NELL1: variants seen among roughly 807,000 people sequenced by gnomAD.
The protein encoded by NELL1 is protein kinase C-binding protein NELL1.
NELL1 carries 76 observed loss-of-function variants against 107.4 expected under a neutral mutation model. The observed-to-expected ratio is 0.71, with a 90% CI of 0.59 to 0.86. The LOEUF is 0.86. Ranked by LOEUF, NELL1 falls within the 40% of genes least tolerant of loss-of-function variation. The pLI is 0.00. For synonymous variants in NELL1, 353 were observed against 341.2 expected, an observed-to-expected ratio of 1.03 and a Z score of -0.38; for missense variants, 1,024 against 1,005.5, an observed-to-expected ratio of 1.02 and a Z score of -0.25.
At chr11:20,993,103 C>T (rs1334674719) in intron 12 of NELL1, among the ~76,000 whole-genome samples, 1 of 152,136 alleles carries the variant, frequency 6.6e-6, no homozygotes, top group African/African-American at 2.4e-5. Context: ...GCCATCCTTA[C>T]TTTGTATGCC....
intron 4 of NELL1, among the ~76,000 whole-genome samples, chr11:20,863,991 G>C (rs529965083): frequency 6.6e-6 from 1 of 152,112 alleles, no homozygotes; most frequent in African/African-American, 2.4e-5. Context: ...GCCTGCAATC[G>C]CAGGCACTCG....
chr11:21,198,239 G>T (rs1857195629), intron 13 of NELL1, among the ~76,000 whole-genome samples: 1 of 152,186 alleles, frequency 6.6e-6, no homozygotes, highest in Non-Finnish European at 1.5e-5. Flanking sequence ...GAGAAGCAGT[G>T]GCCCGAGCTG....
intron 2 of NELL1, among the ~76,000 whole-genome samples, chr11:20,764,043 G>A (rs1856480329): frequency 6.6e-6 from 1 of 152,196 alleles, no homozygotes; most frequent in African/African-American, 2.4e-5. Flanking sequence ...GTGGGAATAT[G>A]GGCTCTGCGT....
At chr11:20,775,087 A>G (rs1681682105) in intron 2 of NELL1, among the ~76,000 whole-genome samples, 1 of 152,210 alleles carries the variant, frequency 6.6e-6, no homozygotes, top group Non-Finnish European at 1.5e-5. Flanking sequence ...ATGAGCTCAT[A>G]TATTTTAGCA....
intron 13 of NELL1, among the ~76,000 whole-genome samples, chr11:21,225,120 G>T (rs993135149): frequency 6.6e-6 from 1 of 152,060 alleles, no homozygotes; most frequent in Non-Finnish European, 1.5e-5. Flanking sequence ...CAACCTTCTG[G>T]GTGTATGTGG....
intron 15 of NELL1, among the ~76,000 whole-genome samples, chr11:21,424,395 C>T (rs549069971): frequency 2.8e-4 from 43 of 152,026 alleles, no homozygotes; most frequent in South Asian, 6.2e-4. Context: ...CTGAGGCCGG[C>T]GGATCACTTG....
At chr11:21,199,341 T>G (rs1330203762) in intron 13 of NELL1, among the ~76,000 whole-genome samples, 1 of 152,138 alleles carries the variant, frequency 6.6e-6, no homozygotes, top group Non-Finnish European at 1.5e-5. Flanking sequence ...CAGAGTACCC[T>G]CCAGGACATG....
At chr11:21,331,070 A>T (rs1850262006) in intron 14 of NELL1, among the ~76,000 whole-genome samples, 1 of 152,016 alleles carries the variant, frequency 6.6e-6, no homozygotes, top group Admixed American at 6.6e-5. Flanking sequence ...TTCTTGTAAA[A>T]ATAATTCTTA....
chr11:20,906,952 C>G (rs1436780867), intron 5 of NELL1, among the ~76,000 whole-genome samples: 1 of 152,074 alleles, frequency 6.6e-6, no homozygotes, highest in Non-Finnish European at 1.5e-5. Flanking sequence ...GATATCACCA[C>G]TGCTATTTAA....
At chr11:20,754,310 A>G (rs1190076372) in intron 2 of NELL1, among the ~76,000 whole-genome samples, 1 of 152,198 alleles carries the variant, frequency 6.6e-6, no homozygotes, top group Non-Finnish European at 1.5e-5. Flanking sequence ...GCGTGTTGAT[A>G]ATATAGTTAG....
intron 15 of NELL1, among the ~76,000 whole-genome samples, chr11:21,419,724 A>T (rs941442716): frequency 1.3e-5 from 2 of 152,292 alleles, no homozygotes; most frequent in South Asian, 4.1e-4. Context: ...ATGAAGAGAA[A>T]GGTGCAATAT....
At chr11:20,910,557 G>A (rs567772552) in intron 5 of NELL1, among the ~76,000 whole-genome samples, 5 of 152,356 alleles carry the variant, frequency 3.3e-5, no homozygotes, top group South Asian at 2.1e-4. Flanking sequence ...CAGGGGGGCC[G>A]TGCTTAGAAA....
intron 5 of NELL1, among the ~76,000 whole-genome samples, chr11:20,910,884 G>A (rs1431861713): frequency 1.3e-5 from 2 of 152,156 alleles, no homozygotes; most frequent in Non-Finnish European, 1.5e-5. Flanking sequence ...GATTATATAA[G>A]AATATGTATT....
intron 13 of NELL1, chr11:21,169,923 G>A: frequency 6.8e-7 from 1 of 1,461,890 alleles, no homozygotes; most frequent in South Asian, 1.2e-5. Context: ...GCCTTTTATG[G>A]CAGGAGGAAG....
chr11:20,950,851 G>A (rs1851055396), intron 11 of NELL1, among the ~76,000 whole-genome samples: 1 of 152,160 alleles, frequency 6.6e-6, no homozygotes, highest in Non-Finnish European at 1.5e-5. Flanking sequence ...CTGCCACCCT[G>A]ATGTTGTTGA....
chr11:21,078,653 G>C (rs887873115), intron 12 of NELL1, among the ~76,000 whole-genome samples: 1 of 151,974 alleles, frequency 6.6e-6, no homozygotes, highest in Non-Finnish European at 1.5e-5. Flanking sequence ...TACACACAGA[G>C]ATACACACAT....
At chr11:20,936,895 C>T (rs577780791) in intron 9 of NELL1, among the ~76,000 whole-genome samples, 4 of 152,186 alleles carry the variant, frequency 2.6e-5, no homozygotes, top group South Asian at 2.1e-4. Context: ...AGACCAACAC[C>T]GAATTAGTGG....
At chr11:21,161,555 T>C (rs1156861818) in intron 13 of NELL1, among the ~76,000 whole-genome samples, 1 of 151,932 alleles carries the variant, frequency 6.6e-6, no homozygotes, top group Non-Finnish European at 1.5e-5. Flanking sequence ...AATAAAAAAA[T>C]AGAACTGCTG....
intron 14 of NELL1, among the ~76,000 whole-genome samples, chr11:21,250,449 G>A (rs1858608833): frequency 6.6e-6 from 1 of 152,098 alleles, no homozygotes; most frequent in African/African-American, 2.4e-5. Context: ...CTTGCTCCTG[G>A]CTGTTGGAAT....
Sources: gnomAD v4.1 joint callset for allele counts (sites outside exome capture counted in the v4.1 genomes callset) on GRCh38, gnomAD v4.1.1 for gene constraint, MANE v1.5 for transcripts, NCBI Gene and HGNC (gene_info 2026-07-23, HGNC 2026-07-21) for gene names.